The following GSG1L variants were observed in gnomAD, a reference collection of about 807,000 sequenced individuals.
GSG1L encodes germ cell-specific gene 1-like protein.
A neutral mutation model predicts 42.1 loss-of-function variants in GSG1L; 24 were observed. The ratio of observed to expected loss-of-function variants is 0.57; its 90% CI spans 0.41 to 0.80. GSG1L has a LOEUF of 0.80. Ranked by LOEUF, GSG1L falls within the 30% of genes least tolerant of loss-of-function variation. The pLI is 0.00. For synonymous variants in GSG1L, 215 were observed against 203.5 expected (o/e 1.06, Z -0.48); for missense variants, 445 against 472.2 (o/e 0.94, Z 0.53).
intron 1 of GSG1L, among the ~76,000 whole-genome samples, chr16:27,969,045 G>A (rs573664229): frequency 1.3e-5 from 2 of 152,216 alleles, no homozygotes; most frequent in East Asian, 3.9e-4. Flanking sequence ...GGAGGCGGAG[G>A]TTGCAATGAG....
intron 5 of GSG1L, among the ~76,000 whole-genome samples, chr16:27,824,227 C>T (rs1226088523): frequency 6.6e-6 from 1 of 152,222 alleles, no homozygotes; most frequent in East Asian, 1.9e-4. Context: ...CTCCCTGAGA[C>T]ACCAAGAGCT....
intron 6 of GSG1L, 125 bp downstream of exon 6, chr16:27,807,362 G>T (rs928216834): frequency 7.1e-6 from 5 of 702,302 alleles, no homozygotes; most frequent in South Asian, 1.9e-5. Context: ...CATCTGTAAC[G>T]TGTTTGTGGG....
intron 1 of GSG1L, among the ~76,000 whole-genome samples, chr16:28,055,573 G>A (rs1241303530): frequency 6.6e-6 from 1 of 152,068 alleles, no homozygotes. Flanking sequence ...CCGGGTTCAA[G>A]CAATTCTCCT....
At chr16:27,916,458 A>G (rs1317058488) in intron 2 of GSG1L, among the ~76,000 whole-genome samples, 1 of 149,630 alleles carries the variant, frequency 6.7e-6, no homozygotes, top group Non-Finnish European at 1.5e-5. Flanking sequence ...TGGGTTGCAA[A>G]CCACCATGCC....
chr16:27,944,941 G>A (rs1009899313), intron 2 of GSG1L, among the ~76,000 whole-genome samples: 1 of 151,714 alleles, frequency 6.6e-6, no homozygotes, highest in Non-Finnish European at 1.5e-5. Context: ...GACGGGCATC[G>A]TGGCGTGTAC....
chr16:27,797,594 G>A (rs1398285219), intron 6 of GSG1L, among the ~76,000 whole-genome samples: 2 of 151,416 alleles, frequency 1.3e-5, no homozygotes, highest in Non-Finnish European at 1.5e-5. Context: ...AGGCCGAGGC[G>A]GGTGGATCAC....
intron 2 of GSG1L, among the ~76,000 whole-genome samples, chr16:27,953,104 T>A (rs2084967212): frequency 6.6e-6 from 1 of 152,252 alleles, no homozygotes; most frequent in African/African-American, 2.4e-5. Flanking sequence ...CTTTTCTTTT[T>A]CTTTTAGAAA....
intron 3 of GSG1L, among the ~76,000 whole-genome samples, chr16:27,845,862 A>G (rs984953025): frequency 6.6e-6 from 1 of 152,012 alleles, no homozygotes; most frequent in Admixed American, 6.6e-5. Context: ...CTGAATATTA[A>G]TCTTGTCTGT....
intron 1 of GSG1L, among the ~76,000 whole-genome samples, chr16:28,034,659 G>A (rs574926199): frequency 9.9e-5 from 15 of 152,130 alleles, no homozygotes; most frequent in East Asian, 1.9e-4. Context: ...CTCAGGGAGC[G>A]CAGAGCTGAT....
intron 2 of GSG1L, among the ~76,000 whole-genome samples, chr16:27,920,880 G>A (rs2084516646): frequency 6.6e-6 from 1 of 152,224 alleles, no homozygotes; most frequent in African/African-American, 2.4e-5. Context: ...AGCAGAGAAT[G>A]CAGGGAGCTG....
chr16:27,865,219 G>A (rs1438831787), intron 3 of GSG1L, among the ~76,000 whole-genome samples: 2 of 152,134 alleles, frequency 1.3e-5, no homozygotes, highest in African/African-American at 2.4e-5. Context: ...ATCCCACTGT[G>A]CTCTAGGTCT....
intron 3 of GSG1L, among the ~76,000 whole-genome samples, chr16:27,854,137 T>A (rs2083545942): frequency 6.6e-6 from 1 of 150,482 alleles, no homozygotes; most frequent in South Asian, 2.1e-4. Flanking sequence ...CACCTGGAGA[T>A]CAGCTAAAGT....
chr16:27,947,509 A>C (rs2084891063), intron 2 of GSG1L, among the ~76,000 whole-genome samples: 1 of 150,570 alleles, frequency 6.6e-6, no homozygotes, highest in Non-Finnish European at 1.5e-5. Flanking sequence ...GAAAGAAAGA[A>C]GGAAAGAAAG....
At chr16:27,839,673 C>G (rs2083356967) in intron 4 of GSG1L, among the ~76,000 whole-genome samples, 1 of 152,218 alleles carries the variant, frequency 6.6e-6, no homozygotes, top group Non-Finnish European at 1.5e-5. Context: ...TCATTCTCAG[C>G]CTTATCTCCA....
At chr16:27,927,224 A>G (rs2084604142) in intron 2 of GSG1L, among the ~76,000 whole-genome samples, 1 of 152,010 alleles carries the variant, frequency 6.6e-6, no homozygotes, top group African/African-American at 2.4e-5. Flanking sequence ...AACACAGCTC[A>G]CTGCAGCCTC....
At chr16:27,867,920 G>C (rs952679286) in intron 3 of GSG1L, among the ~76,000 whole-genome samples, 3 of 152,198 alleles carry the variant, frequency 2.0e-5, no homozygotes, top group Non-Finnish European at 2.9e-5. Context: ...CGTTTCTCGC[G>C]AGACCAGGCC....
At chr16:27,803,968 AGAT>A (rs1256965310) in intron 6 of GSG1L, among the ~76,000 whole-genome samples, 1 of 151,682 alleles carries the variant, frequency 6.6e-6, no homozygotes, top group Non-Finnish European at 1.5e-5. Context: ...TATAGATGAT[AGAT>A]GATTGATGGA....
At chr16:27,893,897 C>T (rs943809071) in intron 2 of GSG1L, among the ~76,000 whole-genome samples, 1 of 152,232 alleles carries the variant, frequency 6.6e-6, no homozygotes, top group Non-Finnish European at 1.5e-5. Flanking sequence ...GAACTACAAG[C>T]ATGCACCACT....
intron 2 of GSG1L, among the ~76,000 whole-genome samples, chr16:27,891,060 A>G (rs554566214): frequency 6.6e-6 from 1 of 152,196 alleles, no homozygotes; most frequent in South Asian, 2.1e-4. Context: ...CCCAGCTTTG[A>G]GACAGGCTGG....
Sources: allele counts gnomAD v4.1 joint callset (sites outside exome capture counted in the v4.1 genomes callset), GRCh38; gene constraint gnomAD v4.1.1; transcripts MANE v1.5; gene names NCBI Gene and HGNC (gene_info 2026-07-23, HGNC 2026-07-21).